The following GPHN variants were observed in gnomAD, a reference collection of about 807,000 sequenced individuals.
GPHN encodes the protein gephyrin.
GPHN carries 17 observed loss-of-function variants against 95.5 expected under a neutral mutation model. The observed-to-expected ratio is 0.18, with a 90% CI of 0.12 to 0.27. The LOEUF (loss-of-function observed/expected upper bound fraction) is 0.27. GPHN is among the 10% of genes least tolerant of loss of function. The probability of loss-of-function intolerance (pLI) is 1.00; values close to 1 mark genes in which losing one functional copy is unlikely to be tolerated. For missense variants in GPHN, 660 were observed against 978.1 expected (o/e 0.67, Z 4.34); for synonymous variants, 320 against 322.5 (o/e 0.99, Z 0.08).
chr14:67,727,431 C>A, the GPHN span: 4 of 463,494 alleles, frequency 8.6e-6, no homozygotes, highest in Non-Finnish European at 1.2e-5. Context: ...TCTCTTATCT[C>A]ATTTGATTTT....
At chr14:67,059,631 A>G (rs549748761) in intron 11 of GPHN, among the ~76,000 whole-genome samples, 36 of 152,328 alleles carry the variant, frequency 2.4e-4, no homozygotes, top group Non-Finnish European at 4.7e-4. Context: ...GAATAGGATT[A>G]AGGTCTCAAG....
the GPHN span, among the ~76,000 whole-genome samples, chr14:67,667,802 G>T: frequency 2.0e-5 from 3 of 152,072 alleles, no homozygotes; most frequent in Admixed American, 2.0e-4. Context: ...AACTTAGCCC[G>T]GCGTGGTGGT....
At chr14:67,724,432 T>G in the GPHN span, 4 of 1,203,772 alleles carry the variant, frequency 3.3e-6, no homozygotes, top group Non-Finnish European at 4.8e-6. Flanking sequence ...TGTGAGCTCG[T>G]GAAGGATGGT....
chr14:66,724,266 A>G (rs1023341280), intron 2 of GPHN, among the ~76,000 whole-genome samples: 2 of 151,948 alleles, frequency 1.3e-5, no homozygotes, highest in African/African-American at 4.8e-5. Context: ...CCCTTCTGAT[A>G]GGTAATTTTT....
intron 2 of GPHN, among the ~76,000 whole-genome samples, chr14:66,696,952 T>C (rs1388976652): frequency 1.3e-5 from 2 of 152,188 alleles, no homozygotes; most frequent in African/African-American, 4.8e-5. Context: ...TTTAAAAAAG[T>C]CTGAATAGTT....
At chr14:67,243,002 A>G in the GPHN span, among the ~76,000 whole-genome samples, 1 of 152,160 alleles carries the variant, frequency 6.6e-6, no homozygotes, top group African/African-American at 2.4e-5. Flanking sequence ...TCACAGGGGC[A>G]CGTGTTTTCA....
chr14:67,075,937 A>G (rs561578393), intron 11 of GPHN, among the ~76,000 whole-genome samples: 7 of 152,348 alleles, frequency 4.6e-5, no homozygotes, highest in African/African-American at 1.7e-4. Flanking sequence ...AGAATATTAC[A>G]TAAACTTAGT....
At chr14:66,537,522 C>G (rs2059185130) in intron 1 of GPHN, among the ~76,000 whole-genome samples, 1 of 152,000 alleles carries the variant, frequency 6.6e-6, no homozygotes, top group African/African-American at 2.4e-5. Context: ...TGTTTATTCC[C>G]TCCTGCCCTT....
intron 5 of GPHN, among the ~76,000 whole-genome samples, chr14:66,893,121 T>C (rs1375788736): frequency 6.6e-6 from 1 of 152,206 alleles, no homozygotes; most frequent in Non-Finnish European, 1.5e-5. Context: ...ACCCAACTTT[T>C]ATATTTTCCT....
chr14:67,666,345 A>G, the GPHN span, among the ~76,000 whole-genome samples: 1 of 152,262 alleles, frequency 6.6e-6, no homozygotes. Flanking sequence ...AAGACCACAG[A>G]ACCTCTCTCC....
the GPHN span, among the ~76,000 whole-genome samples, chr14:67,375,399 G>A: frequency 6.6e-6 from 1 of 152,118 alleles, no homozygotes; most frequent in Non-Finnish European, 1.5e-5. Context: ...TGAGATTACA[G>A]GCGTAAGCCA....
intron 9 of GPHN, chr14:66,996,323 G>C: frequency 1.3e-6 from 1 of 767,250 alleles, no homozygotes; most frequent in Non-Finnish European, 2.2e-6. Flanking sequence ...CTTGCACTTT[G>C]CACTTGCCTG....
chr14:67,484,172 C>T, the GPHN span, among the ~76,000 whole-genome samples: 1 of 152,162 alleles, frequency 6.6e-6, no homozygotes, highest in Admixed American at 6.5e-5. Context: ...TGATATGTTG[C>T]TACTTATTTA....
At chr14:66,622,161 A>G (rs756568059) in intron 1 of GPHN, among the ~76,000 whole-genome samples, 11 of 152,090 alleles carry the variant, frequency 7.2e-5, no homozygotes, top group Admixed American at 2.0e-4. Flanking sequence ...CTTGACTTCT[A>G]TGCACTTGCA....
In GPHN at chr14:66,824,357, C is replaced by T. The variant is rs547962754; in HGVS notation, c.202-117C>T. On this transcript the variant is annotated intron_variant, in intron 3 of 22. Coordinates refer to ENST00000478722, the MANE Select transcript of GPHN (RefSeq NM_020806.5). ...TGAATTGTGCTTAGAAATTTTCTTACTGACTGTTGAAAAGAATCTGTGTTT... is the reference window on the plus strand; with the variant it reads ...TGAATTGTGCTTAGAAATTTTCTTATTGACTGTTGAAAAGAATCTGTGTTT... The T allele has an allele frequency of 4.9e-5, 31 of 628,428 alleles. 1 individual carries two copies. In the South Asian group the frequency reaches 6.1e-4, roughly 12 times the overall value. 38.9% of individuals were successfully genotyped at this position (628,428 alleles called of 1,614,324 possible).
intron 4 of GPHN, among the ~76,000 whole-genome samples, chr14:66,828,614 A>C (rs914839666): frequency 9.2e-5 from 14 of 152,138 alleles, no homozygotes; most frequent in African/African-American, 3.1e-4. Flanking sequence ...AATTAGCTTA[A>C]TCTGTAAAGC....
the GPHN span, among the ~76,000 whole-genome samples, chr14:67,255,564 G>T: frequency 6.6e-6 from 1 of 152,172 alleles, no homozygotes; most frequent in Non-Finnish European, 1.5e-5. Flanking sequence ...GATTTATTTA[G>T]AAATTCTTAT....
At chr14:67,292,064 T>C in the GPHN span, among the ~76,000 whole-genome samples, 1 of 152,180 alleles carries the variant, frequency 6.6e-6, no homozygotes, top group East Asian at 1.9e-4. Context: ...AGTTTAATGG[T>C]TACTATAAAT....
the GPHN span, among the ~76,000 whole-genome samples, chr14:67,665,448 T>C: frequency 1.3e-5 from 2 of 151,922 alleles, no homozygotes; most frequent in Admixed American, 6.6e-5. Context: ...ATTTTTTTTT[T>C]GGTAGAGATG....
Sources: gnomAD v4.1 joint callset for allele counts (sites outside exome capture counted in the v4.1 genomes callset) on GRCh38, gnomAD v4.1.1 for gene constraint, MANE v1.5 for transcripts, NCBI Gene and HGNC (gene_info 2026-07-23, HGNC 2026-07-21) for gene names.